The following ADAMTS12 variants were observed in gnomAD, a reference collection of about 807,000 sequenced individuals.
The protein encoded by ADAMTS12 is ADAM metallopeptidase with thrombospondin type 1 motif 12.
ADAMTS12 carries 118 observed loss-of-function variants against 167.8 expected under a neutral mutation model. The ratio of observed to expected loss-of-function variants is 0.70; its 90% CI spans 0.61 to 0.82. ADAMTS12 has a LOEUF of 0.82. ADAMTS12 is among the 40% of genes least tolerant of loss of function. The pLI is 0.00. For missense variants in ADAMTS12, 1,916 were observed against 1,998.8 expected (o/e 0.96, Z 0.79); for synonymous variants, 704 against 716.9 (o/e 0.98, Z 0.29).
intron 16 of ADAMTS12, among the ~76,000 whole-genome samples, chr5:33,611,598 A>C (rs1019388075): frequency 6.6e-6 from 1 of 152,236 alleles, no homozygotes; most frequent in Non-Finnish European, 1.5e-5. Context: ...CAATTATCAG[A>C]ATATTTATAT....
At chr5:33,619,013 A>C (rs1157072595) in intron 14 of ADAMTS12, among the ~76,000 whole-genome samples, 1 of 152,188 alleles carries the variant, frequency 6.6e-6, no homozygotes, top group African/African-American at 2.4e-5. Context: ...TCTGGTCTAG[A>C]GGCTGAATTA....
intron 2 of ADAMTS12, among the ~76,000 whole-genome samples, chr5:33,829,666 T>C (rs1487206829): frequency 6.6e-6 from 1 of 152,216 alleles, no homozygotes; most frequent in Admixed American, 6.5e-5. Flanking sequence ...AGGCATGTTG[T>C]TCCATGGGCC....
intron 2 of ADAMTS12, among the ~76,000 whole-genome samples, chr5:33,798,317 T>C (rs1035876822): frequency 6.6e-6 from 1 of 152,016 alleles, no homozygotes; most frequent in African/African-American, 2.4e-5. Context: ...AAGTACAAGA[T>C]CAAGGTGTCA....
intron 2 of ADAMTS12, among the ~76,000 whole-genome samples, chr5:33,819,423 C>T (rs1048094956): frequency 6.6e-6 from 1 of 151,798 alleles, no homozygotes; most frequent in South Asian, 2.1e-4. Flanking sequence ...TTCCATTGGT[C>T]TATGTTTCTG....
At chr5:33,838,830 C>T (rs902246414) in intron 2 of ADAMTS12, among the ~76,000 whole-genome samples, 28 of 152,082 alleles carry the variant, frequency 1.8e-4, no homozygotes, top group Non-Finnish European at 3.8e-4. Context: ...AGAGGAAGAG[C>T]TTACCACAGA....
chr5:33,535,098 A>C, intron 22 of ADAMTS12, 106 bp from the exon 23 acceptor site: 339 of 1,178,738 alleles, frequency 2.9e-4, no homozygotes, highest in Non-Finnish European at 3.6e-4. Flanking sequence ...GAAACATCTC[A>C]ATAACCAGAA....
At chr5:33,686,627 G>A (rs1409953692) in intron 3 of ADAMTS12, among the ~76,000 whole-genome samples, 1 of 151,778 alleles carries the variant, frequency 6.6e-6, no homozygotes, top group Non-Finnish European at 1.5e-5. Context: ...CAGTTAGATC[G>A]AGATGAGCTT....
chr5:33,572,301 A>G (rs1746400615), intron 19 of ADAMTS12, among the ~76,000 whole-genome samples: 1 of 152,042 alleles, frequency 6.6e-6, no homozygotes, highest in Non-Finnish European at 1.5e-5. Context: ...ACAAAAAAAG[A>G]GAATTTTAGA....
intron 23 of ADAMTS12, among the ~76,000 whole-genome samples, chr5:33,528,936 T>A (rs937565957): frequency 1.3e-5 from 2 of 152,020 alleles, no homozygotes; most frequent in African/African-American, 4.8e-5. Flanking sequence ...TCCCAGCTAC[T>A]CAGGAGGCTG....
At chr5:33,756,121 T>C (rs952495889) in intron 2 of ADAMTS12, among the ~76,000 whole-genome samples, 6 of 152,216 alleles carry the variant, frequency 3.9e-5, no homozygotes, top group Admixed American at 2.0e-4. Flanking sequence ...ACAAGGCTGA[T>C]GTTCATTAAC....
chr5:33,762,230 T>C (rs1745384061), intron 2 of ADAMTS12, among the ~76,000 whole-genome samples: 1 of 147,856 alleles, frequency 6.8e-6, no homozygotes, highest in Non-Finnish European at 1.5e-5. Flanking sequence ...TAAAAGAGGC[T>C]GGGCGCAGTG....
At chr5:33,802,354 C>G (rs1411733125) in intron 2 of ADAMTS12, among the ~76,000 whole-genome samples, 2 of 152,198 alleles carry the variant, frequency 1.3e-5, no homozygotes, top group African/African-American at 4.8e-5. Context: ...CAAAGCTAAG[C>G]TGGGCCAAGT....
At chr5:33,795,953 C>A (rs1475819631) in intron 2 of ADAMTS12, among the ~76,000 whole-genome samples, 1 of 152,180 alleles carries the variant, frequency 6.6e-6, no homozygotes, top group East Asian at 1.9e-4. Context: ...TCTTTCTGGG[C>A]ACATGAAGAA....
At chr5:33,644,888 G>A (rs906890308) in intron 9 of ADAMTS12, among the ~76,000 whole-genome samples, 11 of 151,928 alleles carry the variant, frequency 7.2e-5, no homozygotes, top group African/African-American at 2.2e-4. Context: ...CCGCCTCCAC[G>A]CCCGGCTAAT....
At chr5:33,764,368 T>A (rs897715122) in intron 2 of ADAMTS12, among the ~76,000 whole-genome samples, 1 of 152,242 alleles carries the variant, frequency 6.6e-6, no homozygotes, top group Non-Finnish European at 1.5e-5. Flanking sequence ...TGGATGACAT[T>A]TATCATGTGC....
At chr5:33,655,101 C>T (rs560905997) in intron 7 of ADAMTS12, among the ~76,000 whole-genome samples, 2 of 152,068 alleles carry the variant, frequency 1.3e-5, no homozygotes, top group East Asian at 1.9e-4. Flanking sequence ...ACTTAGTAGA[C>T]GGCATATGGA....
intron 2 of ADAMTS12, among the ~76,000 whole-genome samples, chr5:33,764,693 A>G (rs1282678278): frequency 1.3e-5 from 2 of 152,198 alleles, no homozygotes; most frequent in African/African-American, 2.4e-5. Context: ...CAAAAGATCT[A>G]CTTTCTCCAT....
chr5:33,530,459 G>A (rs1744044170), intron 23 of ADAMTS12, among the ~76,000 whole-genome samples: 1 of 152,192 alleles, frequency 6.6e-6, no homozygotes. Context: ...GGCAGTCCAA[G>A]CATCACAAAG....
chr5:33,836,126 G>A (rs10941105), intron 2 of ADAMTS12, among the ~76,000 whole-genome samples: 2,507 of 152,206 alleles, frequency 0.016, 71 homozygotes, highest in African/African-American at 0.058. Context: ...TCCCTCAAGT[G>A]AAAAAGCCCA....
Sources: gnomAD v4.1 joint callset for allele counts (sites outside exome capture counted in the v4.1 genomes callset) on GRCh38, gnomAD v4.1.1 for gene constraint, MANE v1.5 for transcripts, NCBI Gene and HGNC (gene_info 2026-07-23, HGNC 2026-07-21) for gene names.